GLIS3: variants seen among roughly 807,000 people sequenced by gnomAD.
GLIS3 encodes the protein zinc finger protein GLIS3.
GLIS3 carries 53 observed loss-of-function variants against 78.6 expected under a neutral mutation model. The observed-to-expected ratio is 0.67, with a 90% confidence interval of 0.54 to 0.85. The LOEUF (loss-of-function observed/expected upper bound fraction) is 0.85, where lower values mean the gene tolerates loss of function less well. GLIS3 is among the 40% of genes least tolerant of loss of function. The pLI, the probability that GLIS3 is intolerant of heterozygous loss-of-function variation, is 0.00. For missense variants in GLIS3, 1,703 were observed against 1,231.1 expected (o/e 1.38, Z -5.74); for synonymous variants, 684 against 509.9 (o/e 1.34, Z -4.60).
At chr9:4,385,814 GAA>G in the GLIS3 span, among the ~76,000 whole-genome samples, 796 of 41,064 alleles carry the variant, frequency 0.019, 35 homozygotes, top group African/African-American at 0.06. Flanking sequence ...AGAAAGAAAA[GAA>G]AGAAAGAGAA....
intron 2 of GLIS3, among the ~76,000 whole-genome samples, chr9:4,270,280 T>C (rs1481495414): frequency 6.6e-6 from 1 of 152,190 alleles, no homozygotes; most frequent in Admixed American, 6.5e-5. Context: ...CTAGTATATC[T>C]TAAAAGAGGA....
chr9:4,165,644 T>C (rs1034189381), intron 2 of GLIS3, among the ~76,000 whole-genome samples: 1 of 152,224 alleles, frequency 6.6e-6, no homozygotes, highest in Non-Finnish European at 1.5e-5. Context: ...TGATGCCTGA[T>C]GGGCGTCACT....
rs1308315624 is a variant in GLIS3 at position 4,286,439 on chromosome 9, T to C, written c.-14A>G. ...TCTTCCATTCATTCTGAAAAACCTGTGGCCAAGACGGTCAAATATCCAATG... is the reference window on the plus strand; with the variant it reads ...TCTTCCATTCATTCTGAAAAACCTGCGGCCAAGACGGTCAAATATCCAATG... On this transcript the variant is annotated 5_prime_UTR_variant, in exon 2 of 11. Coordinates refer to ENST00000381971, the MANE Select transcript of GLIS3 (RefSeq NM_001042413.2). 6.2e-7 allele frequency: 1 copy of C among 1,613,554 alleles called. No homozygotes were observed.
chr9:4,125,385 C>T (rs1165683852), intron 3 of GLIS3, among the ~76,000 whole-genome samples: 1 of 152,100 alleles, frequency 6.6e-6, no homozygotes. Flanking sequence ...GATAGGTGTA[C>T]ATGGACCATG....
At chr9:4,472,139 A>T in the GLIS3 span, among the ~76,000 whole-genome samples, 333 of 152,336 alleles carry the variant, frequency 2.2e-3, 3 homozygotes, top group African/African-American at 7.3e-3. Context: ...AGAAATAGGA[A>T]TGCTTTTACA....
intron 2 of GLIS3, among the ~76,000 whole-genome samples, chr9:4,230,165 C>T (rs185798212): frequency 1.3e-5 from 2 of 152,312 alleles, no homozygotes; most frequent in South Asian, 2.1e-4. Flanking sequence ...GATCTAAACA[C>T]ATATTTTATA....
intron 2 of GLIS3, among the ~76,000 whole-genome samples, chr9:4,344,017 C>T (rs960197515): frequency 5.9e-5 from 9 of 152,096 alleles, no homozygotes; most frequent in Non-Finnish European, 1.0e-4. Context: ...ACTCCAGCAA[C>T]GTACAATTGA....
chr9:3,897,450 T>C (rs770861132), intron 7 of GLIS3, among the ~76,000 whole-genome samples: 2 of 151,226 alleles, frequency 1.3e-5, no homozygotes, highest in African/African-American at 2.4e-5. Flanking sequence ...TATATATATA[T>C]TTAATACAAA....
At chr9:4,082,308 T>C (rs981947008) in intron 4 of GLIS3, among the ~76,000 whole-genome samples, 2 of 152,116 alleles carry the variant, frequency 1.3e-5, no homozygotes, top group African/African-American at 2.4e-5. Context: ...GATTCAGGCA[T>C]AAAAACAAAA....
chr9:4,193,659 G>T (rs55951665), intron 2 of GLIS3, among the ~76,000 whole-genome samples: 22,332 of 152,204 alleles, frequency 0.15, 2,199 homozygotes, highest in African/African-American at 0.28. Context: ...ATTTCAAGTT[G>T]CTGTTTTGAA....
intron 4 of GLIS3, among the ~76,000 whole-genome samples, chr9:4,049,773 A>C (rs938749168): frequency 3.9e-5 from 6 of 152,196 alleles, no homozygotes; most frequent in Non-Finnish European, 5.9e-5. Flanking sequence ...CAACCCCATC[A>C]AAAAGTGGGC....
At chr9:4,316,561 C>G (rs889032303) in intron 2 of GLIS3, among the ~76,000 whole-genome samples, 1 of 152,146 alleles carries the variant, frequency 6.6e-6, no homozygotes. Flanking sequence ...TGTGGGTTTT[C>G]TCTGGGTACT....
rs143636178 is a variant in GLIS3 at position 3,967,826 on chromosome 9, A to G, written c.1711-30637T>C. On this transcript the variant is annotated intron_variant, in intron 4 of 10. Transcript: ENST00000381971. ...TATTTGTATGCTTCCACAACCGTAA[A>G]GAATGTGCAGAAGGACAGGCACCAA... Among the ~76,000 whole-genome samples, 4 of 152,336 alleles carry G rather than the reference A, an allele frequency of 2.6e-5. No individual in the cohort carries two copies. In the East Asian group the frequency reaches 7.7e-4, roughly 29 times the overall value.
intron 9 of GLIS3, among the ~76,000 whole-genome samples, chr9:3,848,595 A>G (rs1433684585): frequency 2.0e-5 from 3 of 152,260 alleles, no homozygotes; most frequent in African/African-American, 7.2e-5. Context: ...GCTACAGCCC[A>G]TAGGCATCTT....
At chr9:4,221,787 A>T (rs896452794) in intron 2 of GLIS3, among the ~76,000 whole-genome samples, 4 of 152,264 alleles carry the variant, frequency 2.6e-5, no homozygotes, top group African/African-American at 9.6e-5. Flanking sequence ...GAAAGAGGCC[A>T]CAACTTGTCC....
chr9:4,285,948 T>A, intron 2 of GLIS3, 90 bp downstream of exon 2: 1 of 1,454,100 alleles, frequency 6.9e-7, no homozygotes, highest in Non-Finnish European at 9.6e-7. Flanking sequence ...CTGAATCATG[T>A]ATTTTTCCAT....
At chr9:3,862,560 C>T (rs569209419) in intron 8 of GLIS3, among the ~76,000 whole-genome samples, 1 of 152,262 alleles carries the variant, frequency 6.6e-6, no homozygotes, top group Non-Finnish European at 1.5e-5. Context: ...GATTGTGTTA[C>T]CAGTCAAGCA....
chr9:4,325,442 T>A (rs1817585210), intron 2 of GLIS3, among the ~76,000 whole-genome samples: 1 of 152,230 alleles, frequency 6.6e-6, no homozygotes. Context: ...AAATCAGCAT[T>A]TGTGACAGAC....
At chr9:4,151,390 G>GT (rs1834666743) in intron 2 of GLIS3, among the ~76,000 whole-genome samples, 1 of 152,186 alleles carries the variant, frequency 6.6e-6, no homozygotes, top group Admixed American at 6.5e-5. Context: ...GGTTTTATTA[G>GT]AACTAGTGCC....
Sources: allele counts gnomAD v4.1 joint callset (sites outside exome capture counted in the v4.1 genomes callset), GRCh38; gene constraint gnomAD v4.1.1; transcripts MANE v1.5; gene names NCBI Gene and HGNC (gene_info 2026-07-23, HGNC 2026-07-21).